Variants in DTD1 observed in about 807,000 individuals in gnomAD.
DTD1 encodes D-tyrosyl-tRNA deacylase 1 homolog.
DTD1 carries 13 observed loss-of-function variants against 25.6 expected under a neutral mutation model. That is an observed-to-expected ratio of 0.51 (90% CI 0.33 to 0.81). DTD1 has a LOEUF of 0.81. Among genes scored for constraint, DTD1 ranks in the 30% least tolerant of loss-of-function variants. The pLI is 0.02. For missense variants in DTD1, 193 were observed against 266.4 expected (o/e 0.72, Z 1.92); for synonymous variants, 110 against 103.6 (o/e 1.06, Z -0.37).
intron 4 of DTD1, among the ~76,000 whole-genome samples, chr20:18,649,939 G>A (rs895645992): frequency 1.3e-5 from 2 of 152,254 alleles, no homozygotes; most frequent in African/African-American, 4.8e-5. Flanking sequence ...TGGGCTGGAT[G>A]CAGTGGCTCA....
chr20:18,635,396 G>C lies in DTD1; in HGVS notation c.477+7163G>C, dbSNP rs1009154796. Among the ~76,000 whole-genome samples the C allele has an allele frequency of 3.3e-5, 5 of 152,172 alleles. No individual in the cohort carries two copies. The South Asian group carries it at 1.0e-3, about 31-fold the overall frequency. Reference sequence around the variant, plus strand: ...TGCCACATGGAAGGCCTCCTACCAGGGCTAGGGCGCCACCTGGCCAGACCT... The same window carrying C: ...TGCCACATGGAAGGCCTCCTACCAGCGCTAGGGCGCCACCTGGCCAGACCT... On this transcript the variant is annotated intron_variant, in intron 4 of 5. Coordinates refer to ENST00000377452, the MANE Select transcript of DTD1 (RefSeq NM_080820.6).
At chr20:18,593,271 A>G (rs1056118618) in intron 1 of DTD1, among the ~76,000 whole-genome samples, 1 of 152,246 alleles carries the variant, frequency 6.6e-6, no homozygotes, top group Non-Finnish European at 1.5e-5. Context: ...CATTTATGAT[A>G]TGAACATTTT....
In DTD1 at chr20:18,731,215, C is replaced by T. The variant is rs147275718; in HGVS notation, c.478-12885C>T. Among the ~76,000 whole-genome samples the T allele has an allele frequency of 3.7e-3, 571 of 152,294 alleles. 3 individuals carry two copies. Among genetic ancestry groups the T allele is most frequent in the African/African-American group, 0.013 (553 of 41,558 alleles). On this transcript the variant is annotated intron_variant, in intron 4 of 5. Coordinates refer to ENST00000377452, the MANE Select transcript of DTD1 (RefSeq NM_080820.6). ...TTGTCTTTTCTGCATCTGCTCCGCT[C>T]CCTCCTTTTACAGTTCCTATCCTAC...
chr20:18,709,701 A>G lies in DTD1; in HGVS notation c.478-34399A>G, dbSNP rs546125482. Among the ~76,000 whole-genome samples, 8 of 152,302 alleles carry G rather than the reference A, an allele frequency of 5.3e-5. No homozygotes were observed. In the East Asian group the frequency reaches 1.2e-3, roughly 22 times the overall value. ...GAATTTGTGTAAATTAGATGTTCTC[A>G]TGATGCAATTTATAATACCCAGGTG... On this transcript the variant is annotated intron_variant, in intron 4 of 5. Coordinates refer to ENST00000377452, the MANE Select transcript of DTD1 (RefSeq NM_080820.6).
chr20:18,687,191 G>C (rs1431475835), intron 4 of DTD1, among the ~76,000 whole-genome samples: 1 of 152,190 alleles, frequency 6.6e-6, no homozygotes, highest in Non-Finnish European at 1.5e-5. Context: ...ATCATGCAGA[G>C]GTCTAAGGAA....
chr20:18,657,406 G>T (rs1245036534), intron 4 of DTD1, among the ~76,000 whole-genome samples: 1 of 152,128 alleles, frequency 6.6e-6, no homozygotes, highest in Non-Finnish European at 1.5e-5. Context: ...TAATTTTGGA[G>T]ACTTTGGAGA....
At chr20:18,738,335 CAT>C (rs1295601683) in intron 4 of DTD1, among the ~76,000 whole-genome samples, 2 of 152,114 alleles carry the variant, frequency 1.3e-5, no homozygotes, top group Non-Finnish European at 2.9e-5. Flanking sequence ...TGTCCATGGG[CAT>C]GTGGTGTAAG....
chr20:18,612,033 G>GTTTTTT (rs57848248), intron 3 of DTD1, among the ~76,000 whole-genome samples: 1 of 96,680 alleles, frequency 1.0e-5, no homozygotes, highest in African/African-American at 4.1e-5. Context: ...TAATTTTTGT[G>GTTTTTT]TTTTTTTTTT....
rs937949414 is a variant in DTD1, at chr20:18,764,327, A to G, written c.*987A>G. 1.3e-5 allele frequency: 2 copies of G among 152,234 alleles called. No homozygotes were observed. The highest frequency in any genetic ancestry group is 2.9e-5 in the Non-Finnish European group (2 of 68,036). 9.4% of individuals were successfully genotyped at this position (152,234 alleles called of 1,614,324 possible). ...ACACCCAGCACTCTGGGAAGAAAGA[A>G]TCACATTCTGCCAAAGTAATTTCTC... On this transcript the variant is annotated 3_prime_UTR_variant, in exon 6 of 6. Transcript: ENST00000377452.
At chr20:18,713,323 A>G (rs1431387814) in intron 4 of DTD1, among the ~76,000 whole-genome samples, 1 of 152,146 alleles carries the variant, frequency 6.6e-6, no homozygotes, top group Non-Finnish European at 1.5e-5. Flanking sequence ...TTCTTCCCCA[A>G]ACCTTTTTGC....
At chr20:18,624,574 C>G (rs1305144310) in intron 3 of DTD1, among the ~76,000 whole-genome samples, 1 of 152,178 alleles carries the variant, frequency 6.6e-6, no homozygotes, top group Admixed American at 6.5e-5. Context: ...CAAGCTGTGT[C>G]TGAGATGTGT....
At chr20:18,589,888 T>C (rs2060582175) in intron 1 of DTD1, among the ~76,000 whole-genome samples, 1 of 149,546 alleles carries the variant, frequency 6.7e-6, no homozygotes, top group Non-Finnish European at 1.5e-5. Flanking sequence ...TGGGAAAGTG[T>C]AAATAATTCG....
chr20:18,706,933 G>C (rs1435478388), intron 4 of DTD1, among the ~76,000 whole-genome samples: 3 of 152,196 alleles, frequency 2.0e-5, no homozygotes, highest in Non-Finnish European at 2.9e-5. Context: ...AAGCCTTTCT[G>C]AGTGTTGGCA....
chr20:18,595,961 G>C (rs1362991946), intron 2 of DTD1, 45 bp from the exon 3 acceptor site: 1 of 1,553,580 alleles, frequency 6.4e-7, no homozygotes, highest in African/African-American at 1.4e-5. Context: ...GTGTTGGGGG[G>C]CTTGTGATCT....
Position 18,714,727 on chromosome 20 carries a change from C to CAGGTA in DTD1, c.478-29370_478-29366dup, listed in dbSNP as rs150157528. ...CTTGGTGTCTTTCTCAGATGAGGAG[C>CAGGTA]AGGTAAGAAGATTAGTTTTGATGAA... On this transcript the variant is annotated intron_variant, in intron 4 of 5. Transcript: ENST00000377452. 8.6e-3 allele frequency among the ~76,000 whole-genome samples: 1,313 copies of CAGGTA among 152,166 alleles called. 14 individuals carry two copies. Among genetic ancestry groups the CAGGTA allele is most frequent in the South Asian group, 0.035 (168 of 4,816 alleles).
intron 4 of DTD1, among the ~76,000 whole-genome samples, chr20:18,720,125 T>C (rs2061196349): frequency 6.6e-6 from 1 of 152,210 alleles, no homozygotes; most frequent in Non-Finnish European, 1.5e-5. Flanking sequence ...AGACCATGGC[T>C]GGTTTGTAAA....
intron 4 of DTD1, among the ~76,000 whole-genome samples, chr20:18,650,023 G>T (rs983621333): frequency 2.6e-5 from 4 of 152,210 alleles, no homozygotes; most frequent in African/African-American, 9.6e-5. Context: ...GACTAGGCTG[G>T]GCAACACAGG....
intron 4 of DTD1, among the ~76,000 whole-genome samples, chr20:18,708,249 A>G (rs2061138360): frequency 3.6e-5 from 1 of 27,738 alleles, no homozygotes; most frequent in Non-Finnish European, 5.6e-5. Flanking sequence ...TATATAATAT[A>G]TATTATATAT....
At position 18,749,962 on chromosome 20, in the gene DTD1, A is replaced by G. The variant is rs1297316690; in HGVS notation, c.*19+5691A>G. On this transcript the variant is annotated intron_variant, in intron 5 of 5. Coordinates refer to ENST00000377452, the MANE Select transcript of DTD1 (RefSeq NM_080820.6). The surrounding 1 kb of genome is among the most constrained non-coding windows in gnomAD (Gnocchi z 4.2). ...TTGGACAAAGCGCACAAGGAAAACC[A>G]TTTATTGATGGTTTACCATAGGCAT... Among the ~76,000 whole-genome samples, 7 of 152,196 alleles carry G rather than the reference A, an allele frequency of 4.6e-5. No individual in the cohort carries two copies. Among genetic ancestry groups the G allele is most frequent in the Non-Finnish European group, 1.0e-4 (7 of 68,030 alleles).
Sources: allele counts gnomAD v4.1 joint callset (sites outside exome capture counted in the v4.1 genomes callset), GRCh38; gene constraint gnomAD v4.1.1; non-coding constraint Gnocchi (gnomAD v3.1); transcripts MANE v1.5; gene names NCBI Gene and HGNC (gene_info 2026-07-23, HGNC 2026-07-21).